Variants in ZDHHC20 observed in about 807,000 individuals in gnomAD.
ZDHHC20 encodes the protein palmitoyltransferase ZDHHC20.
Under a neutral mutation model 57.8 loss-of-function variants are expected in ZDHHC20, and 43 were observed. The observed-to-expected ratio is 0.74, with a 90% CI of 0.58 to 0.96. ZDHHC20 has a LOEUF of 0.96. ZDHHC20 is among the 40% of genes least tolerant of loss of function. ZDHHC20 has a pLI of 0.00. For synonymous variants in ZDHHC20, 157 were observed against 153.0 expected (o/e 1.03, Z -0.19); for missense variants, 391 against 441.1 (o/e 0.89, Z 1.02).
At chr13:21,379,183 A>G (rs994630444) in intron 11 of ZDHHC20, among the ~76,000 whole-genome samples, 2 of 152,214 alleles carry the variant, frequency 1.3e-5, no homozygotes, top group African/African-American at 2.4e-5. Context: ...TCAAGACAAC[A>G]ACAAAAAAAC....
At chr13:21,390,836 G>C (rs572049881) in intron 8 of ZDHHC20, among the ~76,000 whole-genome samples, 5 of 151,680 alleles carry the variant, frequency 3.3e-5, no homozygotes, top group Non-Finnish European at 7.4e-5. Context: ...GGAGGTCAAG[G>C]CTGCAGTGAG....
At chr13:21,429,192 T>C (rs1037455419) in intron 1 of ZDHHC20, among the ~76,000 whole-genome samples, 1 of 152,198 alleles carries the variant, frequency 6.6e-6, no homozygotes, top group African/African-American at 2.4e-5. Context: ...AATGGATACA[T>C]CTTGAGGGAG....
intron 7 of ZDHHC20, 50 bp downstream of exon 7, chr13:21,400,323 A>G (rs756779116): frequency 6.8e-7 from 1 of 1,473,974 alleles, no homozygotes; most frequent in South Asian, 1.4e-5. Flanking sequence ...TTAGGAAGAT[A>G]GCATCTTAAA....
intron 3 of ZDHHC20, among the ~76,000 whole-genome samples, chr13:21,414,617 C>T (rs1243271337): frequency 2.0e-5 from 3 of 150,062 alleles, no homozygotes; most frequent in Admixed American, 6.7e-5. Flanking sequence ...GTGATCTGCC[C>T]GCCTTGGCCT....
At chr13:21,429,766 T>A (rs1881703071) in intron 1 of ZDHHC20, among the ~76,000 whole-genome samples, 1 of 152,250 alleles carries the variant, frequency 6.6e-6, no homozygotes. Flanking sequence ...AAGTCCCTGA[T>A]GATTTGTTCA....
chr13:21,422,188 G>C (rs927963427), intron 2 of ZDHHC20, among the ~76,000 whole-genome samples: 1 of 150,882 alleles, frequency 6.6e-6, no homozygotes, highest in Non-Finnish European at 1.5e-5. Context: ...TCCAAAATTT[G>C]GTCCTTTTTG....
At chr13:21,443,313 C>T (rs1224396592) in intron 1 of ZDHHC20, among the ~76,000 whole-genome samples, 5 of 152,104 alleles carry the variant, frequency 3.3e-5, no homozygotes, top group African/African-American at 9.7e-5. Context: ...ATGCTCTGAT[C>T]CACCAGATTA....
At chr13:21,422,496 G>C (rs1299789788) in intron 2 of ZDHHC20, among the ~76,000 whole-genome samples, 1 of 152,074 alleles carries the variant, frequency 6.6e-6, no homozygotes, top group Non-Finnish European at 1.5e-5. Context: ...AGATCTCAGA[G>C]AACAGAAACT....
At position 21,451,579 on chromosome 13, in the gene ZDHHC20, T is replaced by C. The variant is rs1211229902; in HGVS notation, c.118+7475A>G. On this transcript the variant is annotated intron_variant, in intron 1 of 12. Coordinates refer to ENST00000400590, the MANE Select transcript of ZDHHC20 (RefSeq NM_001330059.2). ...CCTAAATAAAACTGTGAATATGTTT[T>C]GAAAACAGAAAAATACAAATTAGGA... Among the ~76,000 whole-genome samples the C allele has an allele frequency of 2.0e-5, 3 of 152,314 alleles. No individual in the cohort carries two copies. The East Asian group carries it at 5.8e-4, about 29-fold the overall frequency.
intron 1 of ZDHHC20, among the ~76,000 whole-genome samples, chr13:21,445,258 G>A (rs931443032): frequency 3.3e-5 from 5 of 152,056 alleles, no homozygotes; most frequent in Admixed American, 2.0e-4. Context: ...AATGGAAAGG[G>A]CAAAACTTAC....
intron 4 of ZDHHC20, among the ~76,000 whole-genome samples, chr13:21,409,760 C>A (rs1004407274): frequency 1.1e-4 from 17 of 152,154 alleles, no homozygotes; most frequent in African/African-American, 3.9e-4. Context: ...CTTCTCTAAA[C>A]TGGTTATTCC....
chr13:21,455,673 T>C (rs1473085247), intron 1 of ZDHHC20, among the ~76,000 whole-genome samples: 1 of 145,438 alleles, frequency 6.9e-6, no homozygotes, highest in African/African-American at 2.5e-5. Context: ...TGTGTGTGTG[T>C]CTAATTACAC....
chr13:21,441,059 G>C (rs967269062), intron 1 of ZDHHC20, among the ~76,000 whole-genome samples: 2 of 152,104 alleles, frequency 1.3e-5, no homozygotes, highest in Non-Finnish European at 2.9e-5. Context: ...TAATTTTTCA[G>C]AGATTTCCTG....
At chr13:21,405,381 A>T (rs1366828158) in intron 4 of ZDHHC20, among the ~76,000 whole-genome samples, 1 of 152,220 alleles carries the variant, frequency 6.6e-6, no homozygotes, top group African/African-American at 2.4e-5. Flanking sequence ...AATCTAGCTC[A>T]GCTATTTTTT....
chr13:21,448,378 C>T (rs1884049575), intron 1 of ZDHHC20, among the ~76,000 whole-genome samples: 1 of 106,184 alleles, frequency 9.4e-6, no homozygotes, highest in Non-Finnish European at 2.2e-5. Flanking sequence ...GGGGGGTCAG[C>T]CCCCCGCCCG....
intron 1 of ZDHHC20, among the ~76,000 whole-genome samples, chr13:21,447,745 C>CA (rs1010757401): frequency 5.4e-5 from 5 of 93,004 alleles, no homozygotes; most frequent in African/African-American, 1.8e-4. Flanking sequence ...GGCCGCCCAT[C>CA]GTCTGGGATG....
intron 4 of ZDHHC20, among the ~76,000 whole-genome samples, chr13:21,411,152 C>T (rs921743376): frequency 2.6e-5 from 4 of 152,172 alleles, no homozygotes; most frequent in Admixed American, 6.5e-5. Flanking sequence ...GGTGAGGCGA[C>T]GCCCTACCCT....
At chr13:21,421,348 T>A (rs1003773395) in intron 2 of ZDHHC20, among the ~76,000 whole-genome samples, 184 bp from the exon 3 acceptor site, 1 of 152,188 alleles carries the variant, frequency 6.6e-6, no homozygotes, top group Non-Finnish European at 1.5e-5. Flanking sequence ...TGAAGAAATA[T>A]TCTGTTCCTA....
intron 4 of ZDHHC20, among the ~76,000 whole-genome samples, chr13:21,405,234 T>G (rs1313166214): frequency 6.6e-6 from 1 of 152,236 alleles, no homozygotes; most frequent in East Asian, 1.9e-4. Context: ...TATTAAATGT[T>G]ATTTTTAACA....
Sources: allele counts gnomAD v4.1 joint callset (sites outside exome capture counted in the v4.1 genomes callset), GRCh38; gene constraint gnomAD v4.1.1; transcripts MANE v1.5; gene names NCBI Gene and HGNC (gene_info 2026-07-23, HGNC 2026-07-21).